SMS: variants seen among roughly 807,000 people sequenced by gnomAD.
SMS encodes the protein spermine synthase.
SMS carries 3 observed loss-of-function variants against 33.0 expected under a neutral mutation model. The observed-to-expected ratio is 0.09, with a 90% CI of 0.04 to 0.23. The LOEUF (loss-of-function observed/expected upper bound fraction) is 0.23. Among genes scored for constraint, SMS ranks in the 10% least tolerant of loss-of-function variants. SMS has a pLI of 1.00. For missense variants in SMS, 117 were observed against 288.6 expected (o/e 0.41, Z 4.31); for synonymous variants, 103 against 112.2 (o/e 0.92, Z 0.52).
chrX:21,974,202 C>G lies in SMS; in HGVS notation c.329+1631C>G, dbSNP rs192031877. On this transcript the variant is annotated intron_variant, in intron 4 of 10. Transcript: ENST00000404933. ...TTTAAGTACTTAATTACTCAGCATG[C>G]TAAGTTTGATCAGCCCACAAGAAAG... Among the ~76,000 whole-genome samples the G allele has an allele frequency of 1.1e-4, 12 of 112,622 alleles. No individual in the cohort carries two copies. The East Asian group carries it at 3.1e-3, about 29-fold the overall frequency.
At chrX:21,976,004 G>A (rs1197426203) in intron 4 of SMS, among the ~76,000 whole-genome samples, 1 of 111,253 alleles carries the variant, frequency 9.0e-6, no homozygotes, top group Non-Finnish European at 1.9e-5. Context: ...TGTTATGTAT[G>A]CAGTGAGCTC....
intron 7 of SMS, among the ~76,000 whole-genome samples, chrX:21,981,319 CA>C (rs11373560): frequency 1.7e-4 from 16 of 96,574 alleles, no homozygotes; most frequent in Middle Eastern, 5.0e-3. Context: ...GACTCCGTCT[CA>C]AAAAAAAAAA....
rs960008089 is a variant in SMS, at chrX:21,952,980, C to T, written c.49+12107C>T. The stretch of plus-strand genomic sequence containing the variant: ...GCTTCCTCATGTTGCCCAGGCTGGT[C>T]TCAAGCTCCTGACCTCAAGCAGTTG... On this transcript the variant is annotated intron_variant, in intron 1 of 10. Transcript: ENST00000404933. Among the ~76,000 whole-genome samples the T allele has an allele frequency of 1.0e-4, 11 of 107,174 alleles. No homozygotes were observed. The Admixed American group carries it at 1.1e-3, about 11-fold the overall frequency. The allele number at this position is 107,174 out of a possible 115,157, so 93.1% of individuals were successfully genotyped here. A position where few individuals can be genotyped will look rare whatever the true frequency, so the allele number is the denominator to read the frequency against.
intron 1 of SMS, among the ~76,000 whole-genome samples, chrX:21,965,194 C>A (rs1923617233): frequency 8.9e-6 from 1 of 112,060 alleles, no homozygotes; most frequent in African/African-American, 3.3e-5. Flanking sequence ...ATTACATCTA[C>A]AAAGACCATT....
At chrX:21,985,755 C>T (rs1355351501) in intron 9 of SMS, among the ~76,000 whole-genome samples, 1 of 111,939 alleles carries the variant, frequency 8.9e-6, no homozygotes, top group East Asian at 2.8e-4. Context: ...TGTAGCATTG[C>T]ACTCTGGATC....
intron 1 of SMS, among the ~76,000 whole-genome samples, chrX:21,948,897 T>C (rs1045947716): frequency 2.7e-5 from 3 of 112,194 alleles, no homozygotes; most frequent in Non-Finnish European, 5.6e-5. Context: ...CTCAGTTCTT[T>C]TGAAAAGTCA....
chrX:21,949,713 C>T (rs970745016), intron 1 of SMS, among the ~76,000 whole-genome samples: 1 of 111,958 alleles, frequency 8.9e-6, no homozygotes, highest in Non-Finnish European at 1.9e-5. Context: ...TCACAGTGTT[C>T]AAACAAGACT....
At chrX:21,968,305 C>T (rs1170974330) in intron 2 of SMS, among the ~76,000 whole-genome samples, 2 of 112,337 alleles carry the variant, frequency 1.8e-5, no homozygotes, top group Non-Finnish European at 3.8e-5. Flanking sequence ...GCCCAGGTCC[C>T]TTCTCTACTC....
At chrX:21,954,693 C>T (rs770708958) in intron 1 of SMS, among the ~76,000 whole-genome samples, 111 of 111,791 alleles carry the variant, frequency 9.9e-4, no homozygotes, top group African/African-American at 3.4e-3. Context: ...ACCTCCTCAG[C>T]GACATGTGTA....
intron 10 of SMS, among the ~76,000 whole-genome samples, chrX:21,993,815 T>A (rs1925914132): frequency 9.0e-6 from 1 of 111,442 alleles, no homozygotes. Context: ...TTGATAACAT[T>A]TGAGGCAAAG....
chrX:21,984,226 C>T, intron 7 of SMS, 78 bp from the exon 8 acceptor site: 1 of 692,100 alleles, frequency 1.4e-6, no homozygotes, highest in Non-Finnish European at 2.4e-6. Context: ...CGCTTTTTTC[C>T]TCCTTCCTTT....
At chrX:21,963,117 T>G (rs1270551316) in intron 1 of SMS, among the ~76,000 whole-genome samples, 1 of 112,411 alleles carries the variant, frequency 8.9e-6, no homozygotes, top group African/African-American at 3.2e-5. Context: ...TCAAGATGAC[T>G]AAGTGAGCCA....
At chrX:21,979,009 T>A in intron 7 of SMS, 43 bp downstream of exon 7, 2 of 927,589 alleles carry the variant, frequency 2.2e-6, no homozygotes, top group Non-Finnish European at 3.1e-6. Context: ...GAACTAATAA[T>A]ATAAGTTATT....
intron 1 of SMS, among the ~76,000 whole-genome samples, chrX:21,944,759 C>T (rs1396392725): frequency 1.8e-5 from 2 of 110,148 alleles, no homozygotes; most frequent in Non-Finnish European, 3.8e-5. Context: ...GGGCAGATCA[C>T]CTGAGGACGG....
intron 8 of SMS, among the ~76,000 whole-genome samples, chrX:21,984,796 GT>G (rs1172588897): frequency 1.8e-5 from 2 of 111,705 alleles, no homozygotes; most frequent in African/African-American, 6.5e-5. Flanking sequence ...GCTAGTTCGT[GT>G]TTTTTTCTAT....
chrX:21,955,370 G>C (rs747532630), intron 1 of SMS, among the ~76,000 whole-genome samples: 1 of 112,254 alleles, frequency 8.9e-6, no homozygotes, highest in Non-Finnish European at 1.9e-5. Context: ...GGGCCAACCT[G>C]TGTCCTCTGT....
At chrX:21,958,965 G>T (rs1420661501) in intron 1 of SMS, among the ~76,000 whole-genome samples, 2 of 113,035 alleles carry the variant, frequency 1.8e-5, no homozygotes, top group African/African-American at 6.4e-5. Context: ...TGCCTGAATA[G>T]TGCGTGGATA....
chrX:21,976,233 G>T (rs1261239019), intron 4 of SMS, among the ~76,000 whole-genome samples: 1 of 111,305 alleles, frequency 9.0e-6, no homozygotes, highest in Non-Finnish European at 1.9e-5. Context: ...CACTGGTAAA[G>T]GTTTGTTGGG....
Position 21,984,304 on chromosome X carries a change from G to A in SMS, c.751G>A (p.Val251Ile). The stretch of plus-strand genomic sequence containing the variant: ...CATCTATTCCTGTTCTTTCTGGAAG[G>A]TTCTAATAGAAGACTGTATCCCGGT... ...LDNLKGDCYQ[V>I]LIEDCIPVLK... Residue 251 changes from valine to isoleucine, a missense_variant and splice_region_variant, in exon 8 of 11, where the codon GTT (valine) becomes ATT (isoleucine). Val to Ile is a conservative substitution (Grantham distance 29). This residue lies in a region of SMS where 69 missense variants were observed against 203.8 expected (regional missense o/e 0.34). Transcript: ENST00000404933. 1.8e-6 allele frequency: 2 copies of A among 1,087,555 alleles called. No individual in the cohort carries two copies. Among genetic ancestry groups the A allele is most frequent in the Non-Finnish European group, 2.6e-6 (2 of 782,279 alleles). The allele number at this position is 1,087,555 out of a possible 1,213,427, so 89.6% of individuals were successfully genotyped here. A position where few individuals can be genotyped will look rare whatever the true frequency, so the allele number is the denominator to read the frequency against.
Sources: gnomAD v4.1 joint callset for allele counts (sites outside exome capture counted in the v4.1 genomes callset) on GRCh38, gnomAD v4.1.1 for gene constraint, gnomAD v4.1.1 regional missense constraint, MANE v1.5 for transcripts, NCBI Gene and HGNC (gene_info 2026-07-23, HGNC 2026-07-21) for gene names.